Variants in PCBP2 observed in about 807,000 individuals in gnomAD.
PCBP2 encodes the protein poly(rC) binding protein 2.
Under a neutral mutation model 50.1 loss-of-function variants are expected in PCBP2, and 4 were observed. The ratio of observed to expected loss-of-function variants is 0.08; its 90% CI spans 0.04 to 0.18. PCBP2 has a LOEUF of 0.18. PCBP2 is among the 10% of genes least tolerant of loss of function. The pLI is 1.00. For synonymous variants in PCBP2, 179 were observed against 168.0 expected, an observed-to-expected ratio of 1.07 and a Z score of -0.51; for missense variants, 161 against 474.3, an observed-to-expected ratio of 0.34 and a Z score of 6.14.
chr12:53,465,869 TC>T (rs1451565842), intron 9 of PCBP2, 62 bp from the exon 10 acceptor site: 8 of 1,320,650 alleles, frequency 6.1e-6, no homozygotes, highest in Non-Finnish European at 8.7e-6. Flanking sequence ...AATGTCTTTT[TC>T]CCCCCACTGG....
At chr12:53,455,299 G>A (rs1376000610) in intron 2 of PCBP2, 48 bp from the exon 3 acceptor site, 3 of 1,543,144 alleles carry the variant, frequency 1.9e-6, no homozygotes, top group African/African-American at 2.8e-5. Context: ...TTTTAAAAAG[G>A]AATACTTCTG....
chr12:53,476,651 CAAAA>C (rs534727604), intron 14 of PCBP2, among the ~76,000 whole-genome samples: 36 of 136,238 alleles, frequency 2.6e-4, no homozygotes, highest in South Asian at 7.0e-4. Context: ...CATTGGCTGA[CAAAA>C]AAAAAAAAGC....
intron 6 of PCBP2, chr12:53,459,815 C>T (rs569368096): frequency 2.7e-5 from 12 of 446,748 alleles, no homozygotes; most frequent in Admixed American, 7.1e-5. Flanking sequence ...AGTGCAGTGG[C>T]GCAGTCATGG....
At position 53,454,880 on chromosome 12, in the gene PCBP2, G is replaced by T. The variant is rs199956511; in HGVS notation, c.69+11G>T. ...CTTATGCATGGAAAGGTATGCTCTA[G>T]CTTGGGAAATGGGGTCATAGTAACT... On this transcript the variant is annotated intron_variant, in intron 2 of 14. Transcript: ENST00000546463. 219 of 1,612,722 alleles carry T rather than the reference G, an allele frequency of 1.4e-4. No individual in the cohort carries two copies. The highest frequency in any genetic ancestry group is 4.3e-4 in the Admixed American group (26 of 60,018).
At chr12:53,452,592 C>G (rs1053768501) in intron 1 of PCBP2, among the ~76,000 whole-genome samples, 4 of 151,520 alleles carry the variant, frequency 2.6e-5, no homozygotes, top group Non-Finnish European at 5.9e-5. Context: ...CCCCTCCCCC[C>G]GCCTTTTCCC....
chr12:53,462,033 G>A (rs1941487040), intron 7 of PCBP2, among the ~76,000 whole-genome samples: 1 of 152,102 alleles, frequency 6.6e-6, no homozygotes, highest in Admixed American at 6.6e-5. Flanking sequence ...TTCAAGTAGA[G>A]ATTAGAAAAA....
chr12:53,473,092 T>A (rs1280450414), intron 14 of PCBP2, among the ~76,000 whole-genome samples: 1 of 150,952 alleles, frequency 6.6e-6, no homozygotes, highest in Admixed American at 6.6e-5. Context: ...TTCTTTCTTT[T>A]TTTTTTTTTT....
Position 53,462,525 on chromosome 12 carries a change from G to A in PCBP2, c.537G>A (p.Arg179=). 1.9e-6 allele frequency: 3 copies of A among 1,613,432 alleles called. No homozygotes were observed. Among genetic ancestry groups the A allele is most frequent in the Non-Finnish European group, 2.5e-6 (3 of 1,179,518 alleles). The part of the protein sequence containing the change: ...SPPKGVTIPY[R]PKPSSSPVIF... ...CGAAGGGCGTGACCATCCCGTACCG[G>A]CCCAAGCCGTCCAGCTCTCCGGTCA... Residue 179 remains arginine, a synonymous_variant, in exon 8 of 15, where the codon CGG becomes CGA. Transcript: ENST00000546463.
intron 1 of PCBP2, chr12:53,454,397 T>C: frequency 6.1e-6 from 1 of 164,420 alleles, no homozygotes; most frequent in Non-Finnish European, 1.3e-5. Context: ...TGTTTCTGAA[T>C]TCTTTGAAGC....
In PCBP2 at chr12:53,455,877, C is replaced by T. The variant is rs1940975399; in HGVS notation, c.127-8C>T. 1 of 1,571,340 alleles carries T rather than the reference C, an allele frequency of 6.4e-7. No individual in the cohort carries two copies. Among genetic ancestry groups the T allele is most frequent in the Non-Finnish European group, 8.8e-7 (1 of 1,141,552 alleles). On this transcript the variant is annotated splice_polypyrimidine_tract_variant and splice_region_variant and intron_variant, in intron 4 of 14. Coordinates refer to ENST00000546463, the MANE Select transcript of PCBP2 (RefSeq NM_031989.5). ...TTTAACTTCTTTTGGATCTTGTTTC[C>T]TATCTAGAGTGGTGCACGTATCAAC...
intron 14 of PCBP2, 82 bp downstream of exon 14, chr12:53,471,889 G>T: frequency 8.1e-7 from 1 of 1,227,262 alleles, no homozygotes; most frequent in East Asian, 2.6e-5. Context: ...ATTAAATATG[G>T]GATTACATGG....
At chr12:53,465,898 G>A (rs780622754) in intron 9 of PCBP2, 34 bp from the exon 10 acceptor site, 1 of 1,591,462 alleles carries the variant, frequency 6.3e-7, no homozygotes, top group South Asian at 1.1e-5. Flanking sequence ...TCCGTGATTG[G>A]TTTTTAATAG....
rs1476385268 is a variant in PCBP2, at chr12:53,480,153, T to G, written c.*711T>G. 5 of 152,184 alleles carry G rather than the reference T, an allele frequency of 3.3e-5. No homozygotes were observed. Among genetic ancestry groups the G allele is most frequent in the Admixed American group, 1.3e-4 (2 of 15,278 alleles). The allele number at this position is 152,184 out of a possible 1,614,324, so 9.4% of individuals were successfully genotyped here. On this transcript the variant is annotated 3_prime_UTR_variant, in exon 15 of 15. Coordinates refer to ENST00000546463, the MANE Select transcript of PCBP2 (RefSeq NM_031989.5). Reference sequence around the variant, plus strand: ...CACATGACATACATGGCATACACATTAAGCAGTTGATCATATGTCTGACTG... The same window carrying G: ...CACATGACATACATGGCATACACATGAAGCAGTTGATCATATGTCTGACTG...
At chr12:53,465,870 C>T (rs1248349619) in intron 9 of PCBP2, 62 bp from the exon 10 acceptor site, 31 of 1,319,934 alleles carry the variant, frequency 2.3e-5, no homozygotes, top group Non-Finnish European at 3.3e-5. Flanking sequence ...ATGTCTTTTT[C>T]CCCCCACTGG....
chr12:53,467,346 A>G, intron 11 of PCBP2, 53 bp downstream of exon 11: 1 of 1,376,146 alleles, frequency 7.3e-7, no homozygotes, highest in Non-Finnish European at 1.0e-6. Context: ...GAGAGAGGCC[A>G]GTCCCAAGGT....
intron 6 of PCBP2, chr12:53,460,624 C>A (rs562045652): frequency 1.3e-5 from 3 of 223,738 alleles, no homozygotes; most frequent in South Asian, 1.1e-4. Context: ...CGAAGCACTT[C>A]TCATGGTACC....
intron 14 of PCBP2, among the ~76,000 whole-genome samples, chr12:53,477,075 T>G (rs1942636977): frequency 6.6e-6 from 1 of 152,104 alleles, no homozygotes; most frequent in Admixed American, 6.5e-5. Flanking sequence ...TATCCTAGAG[T>G]ACCTGACTCA....
chr12:53,480,837 C>G lies in PCBP2; in HGVS notation c.*1395C>G, dbSNP rs1943002928. ...TAAGTGGTTTTCTCTCCTGCCCCTC[C>G]CACCGCCCCTCCCCCCACCCCCTAT... On this transcript the variant is annotated 3_prime_UTR_variant, in exon 15 of 15. Coordinates refer to ENST00000546463, the MANE Select transcript of PCBP2 (RefSeq NM_031989.5). 6.6e-6 allele frequency: 1 copy of G among 152,158 alleles called. No individual in the cohort carries two copies. The highest frequency in any genetic ancestry group is 1.5e-5 in the Non-Finnish European group (1 of 68,070). 9.4% of individuals were successfully genotyped at this position (152,158 alleles called of 1,614,324 possible). A position where few individuals can be genotyped will look rare whatever the true frequency, so the allele number is the denominator to read the frequency against.
intron 10 of PCBP2, among the ~76,000 whole-genome samples, chr12:53,466,924 C>T (rs895795935): frequency 2.0e-5 from 3 of 152,144 alleles, no homozygotes; most frequent in Non-Finnish European, 4.4e-5. Context: ...TGGCTGCAAA[C>T]TACCTTCATT....
Sources: gnomAD v4.1 joint callset for allele counts (sites outside exome capture counted in the v4.1 genomes callset) on GRCh38, gnomAD v4.1.1 for gene constraint, MANE v1.5 for transcripts, NCBI Gene and HGNC (gene_info 2026-07-23, HGNC 2026-07-21) for gene names.